Variants in MACF1 observed in about 807,000 individuals in gnomAD.
MACF1 encodes microtubule actin crosslinking factor 1.
In MACF1, 193 loss-of-function variants were observed where a neutral mutation model predicts 854.8. The observed-to-expected ratio is 0.23, with a 90% CI of 0.20 to 0.25. The LOEUF (loss-of-function observed/expected upper bound fraction) is 0.25, where lower values mean the gene tolerates loss of function less well. Among genes scored for constraint, MACF1 ranks in the 10% least tolerant of loss-of-function variants. The pLI, the probability that MACF1 is intolerant of heterozygous loss-of-function variation, is 1.00. For synonymous variants in MACF1, 3,185 were observed against 3,226.7 expected (o/e 0.99, Z 0.44); for missense variants, 7,722 against 8,929.1 (o/e 0.86, Z 5.45).
chr1:39,450,936 C>G lies in MACF1; in HGVS notation c.20259-116C>G. 2.5e-6 allele frequency: 3 copies of G among 1,182,392 alleles called. No homozygotes were observed. In the East Asian group the frequency reaches 7.2e-5, roughly 28 times the overall value. The allele number at this position is 1,182,392 out of a possible 1,614,324, so 73.2% of individuals were successfully genotyped here. A position where few individuals can be genotyped will look rare whatever the true frequency, so the allele number is the denominator to read the frequency against. On this transcript the variant is annotated intron_variant, in intron 84 of 100. Transcript: ENST00000564288. ...TTTACTGTATTTCTAACTGTTCTAA[C>G]ATAGAAGTCACTCTCTATATAGGGT...
chr1:39,176,108 T>C (rs1272542496), intron 2 of MACF1, among the ~76,000 whole-genome samples: 534 of 2,844 alleles, frequency 0.19, 11 homozygotes, highest in African/African-American at 0.22. Context: ...AGACTCCTTC[T>C]CAAAAAAAAA....
intron 2 of MACF1, among the ~76,000 whole-genome samples, chr1:39,106,284 C>G (rs1189723636): frequency 6.6e-6 from 1 of 152,088 alleles, no homozygotes; most frequent in East Asian, 1.9e-4. Context: ...CTCCATCTCC[C>G]CGGGGGTCTG....
At chr1:39,475,900 C>T (rs58176508) in intron 97 of MACF1, among the ~76,000 whole-genome samples, 2,487 of 152,258 alleles carry the variant, frequency 0.016, 56 homozygotes, top group African/African-American at 0.056. Context: ...ACAGACCCAG[C>T]AGACATCCAT....
intron 80 of MACF1, among the ~76,000 whole-genome samples, chr1:39,446,642 C>A (rs536825866): frequency 1.2e-4 from 19 of 152,120 alleles, no homozygotes. Context: ...TTTGGAAATA[C>A]TCATTTTTGT....
At chr1:39,254,678 A>G (rs1328840792) in intron 5 of MACF1, 1 of 313,626 alleles carries the variant, frequency 3.2e-6, no homozygotes, top group African/African-American at 2.2e-5. Context: ...ATAAACTAGA[A>G]AAGAGATGGA....
intron 2 of MACF1, among the ~76,000 whole-genome samples, chr1:39,088,444 A>G (rs1443491760): frequency 6.6e-6 from 1 of 152,202 alleles, no homozygotes. Flanking sequence ...GCCCAGTCTG[A>G]ATCTTCTGTA....
intron 2 of MACF1, chr1:39,102,603 G>T: frequency 1.7e-6 from 1 of 605,904 alleles, no homozygotes. Context: ...ATAGAAAGTG[G>T]CAGGGCTTTA....
intron 2 of MACF1, among the ~76,000 whole-genome samples, chr1:39,198,771 T>G (rs1013007097): frequency 1.3e-5 from 2 of 151,442 alleles, no homozygotes; most frequent in Non-Finnish European, 2.9e-5. Flanking sequence ...GTTGCAGAGA[T>G]CGGAGCATCA....
At chr1:39,268,309 C>T (rs1479150563) in intron 6 of MACF1, among the ~76,000 whole-genome samples, 1 of 152,140 alleles carries the variant, frequency 6.6e-6, no homozygotes, top group Non-Finnish European at 1.5e-5. Flanking sequence ...CTGGCCCTCC[C>T]TAGTTTTTCC....
intron 1 of MACF1, among the ~76,000 whole-genome samples, chr1:39,227,214 T>C (rs955986303): frequency 6.6e-6 from 1 of 152,210 alleles, no homozygotes; most frequent in Non-Finnish European, 1.5e-5. Flanking sequence ...TTGCCTGGCA[T>C]GGTTTTGAGG....
intron 58 of MACF1, chr1:39,410,553 GATA>G (rs2148612216): frequency 6.2e-7 from 1 of 1,614,018 alleles, no homozygotes; most frequent in Non-Finnish European, 8.5e-7. Flanking sequence ...TGGATGAGAG[GATA>G]ATATTTGATG....
intron 4 of MACF1, among the ~76,000 whole-genome samples, chr1:39,253,879 A>G (rs1467268181): frequency 6.6e-6 from 1 of 152,186 alleles, no homozygotes. Context: ...ATCTACTACT[A>G]TGCAATATGT....
rs573949802 is a variant in MACF1 at position 39,381,447 on chromosome 1, G to C, written c.13649-506G>C. ...CAGTGGCACAATATAGCTCACTACA[G>C]CCTCGACTTCCCTGGCTCAAGCAAT... is the stretch of plus-strand genomic sequence containing the variant. On this transcript the variant is annotated intron_variant, in intron 55 of 100. Transcript: ENST00000564288. 2.1e-5 allele frequency among the ~76,000 whole-genome samples: 3 copies of C among 143,928 alleles called. No homozygotes were observed. The East Asian group carries it at 6.4e-4, about 31-fold the overall frequency. The allele number at this position is 143,928 out of a possible 152,430, so 94.4% of individuals were successfully genotyped here. A position where few individuals can be genotyped will look rare whatever the true frequency, so the allele number is the denominator to read the frequency against.
chr1:39,349,737 A>G (rs41270813), intron 42 of MACF1, 110 bp downstream of exon 42: 33,139 of 1,158,218 alleles, frequency 0.029, 849 homozygotes, highest in East Asian at 0.14. Context: ...GGCTCAGGCA[A>G]TCCTCCCACC....
chr1:39,326,218 G>A (rs1008268729), intron 35 of MACF1, among the ~76,000 whole-genome samples: 3 of 152,114 alleles, frequency 2.0e-5, no homozygotes, highest in African/African-American at 7.2e-5. Context: ...GATCCCATTT[G>A]AATCAACAGA....
chr1:39,423,258 GT>G (rs1280152974), intron 60 of MACF1, among the ~76,000 whole-genome samples: 1 of 151,882 alleles, frequency 6.6e-6, no homozygotes, highest in East Asian at 1.9e-4. Flanking sequence ...TTTTAGTGCA[GT>G]TTTTTCTTTT....
chr1:39,190,369 TTGTG>T (rs1320102956), intron 2 of MACF1, among the ~76,000 whole-genome samples: 13 of 125,574 alleles, frequency 1.0e-4, no homozygotes, highest in Non-Finnish European at 1.8e-4. Flanking sequence ...TTCTCTTCTT[TTGTG>T]TGTGTGTGTG....
At chr1:39,364,142 A>C (rs1476718866) in intron 49 of MACF1, among the ~76,000 whole-genome samples, 1 of 152,220 alleles carries the variant, frequency 6.6e-6, no homozygotes, top group African/African-American at 2.4e-5. Flanking sequence ...GCAGTGTATT[A>C]GAGTACCTGT....
intron 44 of MACF1, 127 bp from the exon 45 acceptor site, chr1:39,357,247 TG>T: frequency 1.0e-6 from 1 of 991,396 alleles, no homozygotes; most frequent in South Asian, 1.6e-5. Context: ...GACAGCAATG[TG>T]GGTGAAAAGA....
Sources: gnomAD v4.1 joint callset for allele counts (sites outside exome capture counted in the v4.1 genomes callset) on GRCh38, gnomAD v4.1.1 for gene constraint, MANE v1.5 for transcripts, NCBI Gene and HGNC (gene_info 2026-07-23, HGNC 2026-07-21) for gene names.